The following RBMS3 variants were observed in gnomAD, a reference collection of about 807,000 sequenced individuals.
RBMS3 encodes RNA-binding motif, single-stranded-interacting protein 3.
Under a neutral mutation model 66.8 loss-of-function variants are expected in RBMS3, and 27 were observed. The ratio of observed to expected loss-of-function variants is 0.40; its 90% CI spans 0.30 to 0.56. The LOEUF (loss-of-function observed/expected upper bound fraction) is 0.56. RBMS3 is among the 20% of genes least tolerant of loss of function. RBMS3 has a pLI of 0.40. For missense variants in RBMS3, 513 were observed against 549.5 expected (o/e 0.93, Z 0.66); for synonymous variants, 188 against 183.0 (o/e 1.03, Z -0.22).
intron 4 of RBMS3, among the ~76,000 whole-genome samples, chr3:29,720,434 G>GGCA (rs2149319765): frequency 6.6e-6 from 1 of 152,076 alleles, no homozygotes; most frequent in South Asian, 2.1e-4. Context: ...GTAACCCTAT[G>GGCA]GTAGTAGTAG....
chr3:29,870,695 C>A (rs2059469841), intron 7 of RBMS3, among the ~76,000 whole-genome samples: 1 of 152,004 alleles, frequency 6.6e-6, no homozygotes. Flanking sequence ...ACCCAGAGCA[C>A]CTTATAATTT....
rs80021291 is a variant in RBMS3, at chr3:29,829,852, T to C, written c.638-39006T>C. Among the ~76,000 whole-genome samples the C allele has an allele frequency of 5.4e-3, 821 of 152,304 alleles. 5 individuals are homozygous for C. The highest frequency in any genetic ancestry group is 0.017 in the Middle Eastern group (5 of 294). ...AATGCCTCTGCTAAGAGGAATTATC[T>C]ATTTACACTGCATTGCAGTCCCATT... On this transcript the variant is annotated intron_variant, in intron 6 of 14. Coordinates refer to ENST00000383767, the MANE Select transcript of RBMS3 (RefSeq NM_001003793.3).
intron 6 of RBMS3, among the ~76,000 whole-genome samples, chr3:29,856,310 C>T (rs576870764): frequency 2.0e-5 from 3 of 152,026 alleles, no homozygotes; most frequent in Admixed American, 1.3e-4. Flanking sequence ...GAAAAGCGGT[C>T]AGGAAATATT....
rs1271578186 is a variant in RBMS3, at chr3:29,803,377, T to C, written c.637+40388T>C. ...TGAAAATTTCAAAGTACTGAATAAATATAAAACATTATCTAAATGGCAAAA... is the reference window on the plus strand; with the variant it reads ...TGAAAATTTCAAAGTACTGAATAAACATAAAACATTATCTAAATGGCAAAA... On this transcript the variant is annotated intron_variant, in intron 6 of 14. Transcript: ENST00000383767. Among the ~76,000 whole-genome samples the C allele has an allele frequency of 2.0e-5, 3 of 152,100 alleles. No individual in the cohort carries two copies. In the East Asian group the frequency reaches 5.8e-4, roughly 29 times the overall value.
chr3:29,851,090 C>T (rs1246780572), intron 6 of RBMS3, among the ~76,000 whole-genome samples: 1 of 152,218 alleles, frequency 6.6e-6, no homozygotes, highest in African/African-American at 2.4e-5. Flanking sequence ...ACTTCCTCTT[C>T]TGTCAGTCTC....
chr3:29,816,504 C>G (rs1480527794), intron 6 of RBMS3, among the ~76,000 whole-genome samples: 3 of 152,024 alleles, frequency 2.0e-5, no homozygotes, highest in African/African-American at 7.2e-5. Context: ...GATATAAAAC[C>G]AACTTTTTTT....
At chr3:29,644,215 C>T (rs75939691) in intron 4 of RBMS3, among the ~76,000 whole-genome samples, 5 of 152,170 alleles carry the variant, frequency 3.3e-5, no homozygotes, top group African/African-American at 7.2e-5. Flanking sequence ...CACAGCATAA[C>T]GCATTAGATG....
At chr3:29,947,957 G>C (rs1353414366) in intron 12 of RBMS3, among the ~76,000 whole-genome samples, 1 of 151,030 alleles carries the variant, frequency 6.6e-6, no homozygotes, top group East Asian at 2.0e-4. Flanking sequence ...TTTGAACCTA[G>C]GTTTGAAAAA....
chr3:29,810,497 A>G (rs897779550), intron 6 of RBMS3, among the ~76,000 whole-genome samples: 1 of 152,180 alleles, frequency 6.6e-6, no homozygotes, highest in Non-Finnish European at 1.5e-5. Context: ...ATATGTGTGC[A>G]TAGAATTGAT....
chr3:29,524,824 G>A (rs2045027354), intron 3 of RBMS3, among the ~76,000 whole-genome samples: 2 of 152,032 alleles, frequency 1.3e-5, no homozygotes, highest in Admixed American at 1.3e-4. Flanking sequence ...AGGCTGAGGT[G>A]GGTGGGTTGC....
At chr3:29,491,789 C>T (rs1296584013) in intron 3 of RBMS3, among the ~76,000 whole-genome samples, 1 of 152,104 alleles carries the variant, frequency 6.6e-6, no homozygotes, top group Non-Finnish European at 1.5e-5. Context: ...GTCAGGAGAT[C>T]GAGACCATCC....
intron 10 of RBMS3, 135 bp from the exon 11 acceptor site, chr3:29,935,951 C>A: frequency 1.5e-6 from 1 of 670,722 alleles, no homozygotes. Context: ...AAATTATATA[C>A]AGTTGAATTT....
intron 3 of RBMS3, among the ~76,000 whole-genome samples, chr3:29,557,008 C>T (rs1039995452): frequency 6.6e-6 from 1 of 152,126 alleles, no homozygotes; most frequent in African/African-American, 2.4e-5. Flanking sequence ...GAAAGTGTAC[C>T]CTTGCTTGAC....
At chr3:29,682,396 G>A (rs375121597) in intron 4 of RBMS3, among the ~76,000 whole-genome samples, 4 of 152,140 alleles carry the variant, frequency 2.6e-5, no homozygotes, top group South Asian at 2.1e-4. Context: ...CTCATGATCC[G>A]CCGGCCTTGG....
rs531866093 is a variant in RBMS3, at chr3:29,888,336, C to G, written c.791+4128C>G. ...TATTATATTATCTAATCTCATATCTCTAATATCATGTAATAAATAATTTTA... is the reference window on the plus strand; with the variant it reads ...TATTATATTATCTAATCTCATATCTGTAATATCATGTAATAAATAATTTTA... On this transcript the variant is annotated intron_variant, in intron 8 of 14. Transcript: ENST00000383767. Among the ~76,000 whole-genome samples the G allele has an allele frequency of 5.3e-5, 8 of 151,726 alleles. No homozygotes were observed. The South Asian group carries it at 8.3e-4, about 16-fold the overall frequency.
At chr3:29,379,304 G>T (rs1000190998) in intron 1 of RBMS3, among the ~76,000 whole-genome samples, 1 of 152,136 alleles carries the variant, frequency 6.6e-6, no homozygotes, top group African/African-American at 2.4e-5. Context: ...TCCAATGCAT[G>T]ATTGAATTAG....
chr3:29,333,622 C>A (rs1194038005), intron 1 of RBMS3, among the ~76,000 whole-genome samples: 1 of 152,042 alleles, frequency 6.6e-6, no homozygotes, highest in Non-Finnish European at 1.5e-5. Context: ...AACAACTTCC[C>A]TTTGGAACTA....
chr3:29,817,192 C>CTTTTTTTTTTTTTTTTT (rs373365962), intron 6 of RBMS3, among the ~76,000 whole-genome samples: 1 of 127,226 alleles, frequency 7.9e-6, no homozygotes, highest in Non-Finnish European at 1.6e-5. Context: ...ATTTTCTTTT[C>CTTTTTTTTTTTTTTTTT]TTTTTTTTTT....
Position 29,596,690 on chromosome 3 carries a change from T to C in RBMS3, c.399+9485T>C, listed in dbSNP as rs551761603. On this transcript the variant is annotated intron_variant, in intron 4 of 14. Transcript: ENST00000383767. ...TCATAAGTCTGTTAATGCTGTTTTCTAGTCTCTTCAGCGGAGCTTGGCTTT... is the reference window on the plus strand; with the variant it reads ...TCATAAGTCTGTTAATGCTGTTTTCCAGTCTCTTCAGCGGAGCTTGGCTTT... Among the ~76,000 whole-genome samples the C allele has an allele frequency of 1.1e-4, 17 of 152,342 alleles. No homozygotes were observed. The East Asian group carries it at 2.9e-3, about 26-fold the overall frequency.
Sources: gnomAD v4.1 joint callset for allele counts (sites outside exome capture counted in the v4.1 genomes callset) on GRCh38, gnomAD v4.1.1 for gene constraint, MANE v1.5 for transcripts, NCBI Gene and HGNC (gene_info 2026-07-23, HGNC 2026-07-21) for gene names.